GRIN2B: variants seen among roughly 807,000 people sequenced by gnomAD.
The protein encoded by GRIN2B is glutamate receptor ionotropic, NMDA 2B.
GRIN2B carries 5 observed loss-of-function variants against 114.5 expected under a neutral mutation model. The ratio of observed to expected loss-of-function variants is 0.04; its 90% confidence interval spans 0.02 to 0.09. GRIN2B has a LOEUF of 0.09. Among genes scored for constraint, GRIN2B ranks in the 10% least tolerant of loss-of-function variants. The pLI is 1.00. For synonymous variants in GRIN2B, 787 were observed against 745.1 expected (o/e 1.06, Z -0.92); for missense variants, 1,108 against 1,943.5 (o/e 0.57, Z 8.08).
intron 3 of GRIN2B, among the ~76,000 whole-genome samples, chr12:13,795,763 T>C (rs1235172814): frequency 3.3e-5 from 5 of 152,180 alleles, no homozygotes; most frequent in Non-Finnish European, 5.9e-5. Flanking sequence ...TAAAAAAGGA[T>C]GAGTTCACGT....
At chr12:13,632,805 TCAAC>T (rs1275979481) in intron 5 of GRIN2B, among the ~76,000 whole-genome samples, 1 of 152,198 alleles carries the variant, frequency 6.6e-6, no homozygotes, top group Non-Finnish European at 1.5e-5. Context: ...TCTGTGGTTT[TCAAC>T]CAGTGTATAT....
intron 3 of GRIN2B, among the ~76,000 whole-genome samples, chr12:13,855,998 A>G (rs555422546): frequency 1.3e-5 from 2 of 152,326 alleles, no homozygotes; most frequent in South Asian, 2.1e-4. Flanking sequence ...AGCAAGAGAG[A>G]CAGATGTGTT....
Position 13,547,981 on chromosome 12 carries a change from A to ATATATTTTTTTTTTTT in GRIN2B, c.*14801_*14802insAAAAAAAAAAAATATA. On this transcript the variant is annotated 3_prime_UTR_variant, in exon 14 of 14. Transcript: ENST00000609686. The stretch of plus-strand genomic sequence containing the variant: ...TGTGTATATATATATATATATATAT[A>ATATATTTTTTTTTTTT]TTTTTTTTTTTTTTCTGAAAGCTAC... 1.2e-4 allele frequency: 8 copies of ATATATTTTTTTTTTTT among 68,576 alleles called. No homozygotes were observed. The highest frequency in any genetic ancestry group is 3.7e-4 in the African/African-American group (8 of 21,748). The allele number at this position is 68,576 out of a possible 1,614,324, so 4.2% of individuals were successfully genotyped here. A position where few individuals can be genotyped will look rare whatever the true frequency, so the allele number is the denominator to read the frequency against.
intron 5 of GRIN2B, among the ~76,000 whole-genome samples, chr12:13,654,994 G>A (rs78067818): frequency 0.019 from 2,850 of 152,096 alleles, 103 homozygotes; most frequent in African/African-American, 0.066. Context: ...ATATTTCAAC[G>A]GAAGAAATGG....
chr12:13,922,235 T>G (rs1270582902), intron 2 of GRIN2B, among the ~76,000 whole-genome samples: 1 of 152,194 alleles, frequency 6.6e-6, no homozygotes, highest in Non-Finnish European at 1.5e-5. Context: ...AGCACTAAAG[T>G]GCTTCAGCAG....
chr12:13,762,737 C>T (rs1863702012), intron 3 of GRIN2B, among the ~76,000 whole-genome samples: 1 of 152,172 alleles, frequency 6.6e-6, no homozygotes, highest in Admixed American at 6.5e-5. Context: ...GGCTCTTTGC[C>T]CTTCTGTCCC....
intron 4 of GRIN2B, among the ~76,000 whole-genome samples, chr12:13,730,130 C>A (rs187019357): frequency 0.011 from 1,733 of 152,100 alleles, 24 homozygotes; most frequent in Admixed American, 0.018. Context: ...AGGTGCCATC[C>A]CCAGGCTGGG....
intron 5 of GRIN2B, among the ~76,000 whole-genome samples, chr12:13,665,692 G>T (rs957246469): frequency 1.3e-5 from 2 of 152,092 alleles, no homozygotes; most frequent in Non-Finnish European, 1.5e-5. Flanking sequence ...GAATCAAAAT[G>T]GGATCATATA....
chr12:13,608,523 C>CAA, intron 10 of GRIN2B, 80 bp downstream of exon 10: 3 of 1,024,146 alleles, frequency 2.9e-6, no homozygotes, highest in Non-Finnish European at 4.6e-6. Context: ...ATTTAGAAGA[C>CAA]AAGCAGGTAC....
rs1333489485 is a variant in GRIN2B, at chr12:13,558,450, T to G, written c.*4333A>C. 2 of 142,812 alleles carry G rather than the reference T, an allele frequency of 1.4e-5. No individual in the cohort carries two copies. The highest frequency in any genetic ancestry group is 3.0e-5 in the Non-Finnish European group (2 of 66,378). The allele number at this position is 142,812 out of a possible 1,614,324, so 8.8% of individuals were successfully genotyped here. ...ATCTGGTTATTCTATCTGTAAATCT[T>G]GAACTAACTAACTAAAAACCGACCA... On this transcript the variant is annotated 3_prime_UTR_variant, in exon 14 of 14. Coordinates refer to ENST00000609686, the MANE Select transcript of GRIN2B (RefSeq NM_000834.5).
At chr12:13,913,813 G>A (rs556271306) in intron 2 of GRIN2B, among the ~76,000 whole-genome samples, 1 of 152,224 alleles carries the variant, frequency 6.6e-6, no homozygotes, top group African/African-American at 2.4e-5. Flanking sequence ...CTTTCTTGCT[G>A]TGTGACCTTA....
intron 4 of GRIN2B, among the ~76,000 whole-genome samples, chr12:13,750,497 G>GT (rs1372588094): frequency 6.6e-6 from 1 of 152,176 alleles, no homozygotes; most frequent in African/African-American, 2.4e-5. Context: ...GAGCTTTAAG[G>GT]TAACATTCAC....
Position 13,866,149 on chromosome 12 carries a change from G to T in GRIN2B, c.60C>A (p.Ala20=). ...GAGAACGAGCTCTGCTGCCTGACAC[G>T]GCCAGGACGGCCAACACCAACCAGA... is the stretch of plus-strand genomic sequence containing the variant. ...PKFWLVLAVL[A]VSGSRARSQK... Residue 20 remains alanine, a synonymous_variant, in exon 3 of 14, where the codon GCC becomes GCA. Coordinates refer to ENST00000609686, the MANE Select transcript of GRIN2B (RefSeq NM_000834.5). 1.2e-6 allele frequency: 2 copies of T among 1,613,014 alleles called. No homozygotes were observed. Among genetic ancestry groups the T allele is most frequent in the African/African-American group, 2.7e-5 (2 of 75,024 alleles).
In GRIN2B at chr12:13,836,826, C is replaced by A. The variant is rs149853062; in HGVS notation, c.411+28972G>T. On this transcript the variant is annotated intron_variant, in intron 3 of 13. Transcript: ENST00000609686. ...AGAAGGAGAAGCAAATGGTCCCATG[C>A]CTCATGGCACACTCAGATGCCACTG... Among the ~76,000 whole-genome samples, 1,289 of 152,272 alleles carry A rather than the reference C, an allele frequency of 8.5e-3. 18 individuals carry two copies. Among genetic ancestry groups the A allele is most frequent in the African/African-American group, 0.03 (1,260 of 41,556 alleles).
Position 13,564,689 on chromosome 12 carries a change from G to T in GRIN2B, c.2599-50C>A. 5 of 1,546,710 alleles carry T rather than the reference G, an allele frequency of 3.2e-6. No individual in the cohort carries two copies. The South Asian group carries it at 3.3e-5, about 10-fold the overall frequency. Reference sequence around the variant, plus strand: ...TTAGATCTCCAGAGAGGCTAGAAATGACCACAAAAAACACTCTCCCACCAA... The same window carrying T: ...TTAGATCTCCAGAGAGGCTAGAAATTACCACAAAAAACACTCTCCCACCAA... On this transcript the variant is annotated intron_variant, in intron 13 of 13. Coordinates refer to ENST00000609686, the MANE Select transcript of GRIN2B (RefSeq NM_000834.5). The surrounding 1 kb of genome is among the most constrained non-coding windows in gnomAD (Gnocchi z 4.8).
chr12:13,667,668 A>G (rs973311504), intron 5 of GRIN2B, among the ~76,000 whole-genome samples: 3 of 152,212 alleles, frequency 2.0e-5, no homozygotes, highest in Non-Finnish European at 2.9e-5. Context: ...AAAAGGGAAC[A>G]TGTCCTCAAT....
Position 13,616,440 on chromosome 12 carries a change from G to A in GRIN2B, c.1328+15C>T, listed in dbSNP as rs1376693705. On this transcript the variant is annotated intron_variant, in intron 6 of 13. Coordinates refer to ENST00000609686, the MANE Select transcript of GRIN2B (RefSeq NM_000834.5). Reference sequence around the variant, plus strand: ...CTCTCCCATGCCACCCAAAGTCATTGAGAGGATGCCATACTCAGTGACTAT... The same window carrying A: ...CTCTCCCATGCCACCCAAAGTCATTAAGAGGATGCCATACTCAGTGACTAT... 1 of 1,601,886 alleles carries A rather than the reference G, an allele frequency of 6.2e-7. No homozygotes were observed. The highest frequency in any genetic ancestry group is 2.2e-5 in the East Asian group (1 of 44,840).
rs1277243330 is a variant in GRIN2B, at chr12:13,551,440, C to G, written c.*11343G>C. On this transcript the variant is annotated 3_prime_UTR_variant, in exon 14 of 14. Coordinates refer to ENST00000609686, the MANE Select transcript of GRIN2B (RefSeq NM_000834.5). ...TAAAATGGGAAAATGGAGACGATAA[C>G]TAGGTTGTTTCATCACAAAGAACAT... 1 of 152,148 alleles carries G rather than the reference C, an allele frequency of 6.6e-6. No individual in the cohort carries two copies. The highest frequency in any genetic ancestry group is 1.5e-5 in the Non-Finnish European group (1 of 68,010). The allele number at this position is 152,148 out of a possible 1,614,324, so 9.4% of individuals were successfully genotyped here. A position where few individuals can be genotyped will look rare whatever the true frequency, so the allele number is the denominator to read the frequency against.
chr12:13,917,175 C>T (rs1247047828), intron 2 of GRIN2B, among the ~76,000 whole-genome samples: 1 of 152,188 alleles, frequency 6.6e-6, no homozygotes, highest in Non-Finnish European at 1.5e-5. Flanking sequence ...AGTCCAAGCA[C>T]ATCATGTCCC....
Sources: gnomAD v4.1 joint callset for allele counts (sites outside exome capture counted in the v4.1 genomes callset) on GRCh38, gnomAD v4.1.1 for gene constraint, Gnocchi (gnomAD v3.1) non-coding constraint, MANE v1.5 for transcripts, NCBI Gene and HGNC (gene_info 2026-07-23, HGNC 2026-07-21) for gene names.